Variants in LRRC14B observed in about 807,000 individuals in gnomAD.
LRRC14B encodes the protein leucine-rich repeat-containing protein 14B.
LRRC14B carries 23 observed loss-of-function variants against 16.9 expected under a neutral mutation model. The observed-to-expected ratio is 1.36, with a 90% CI of 0.98 to 1.92. The LOEUF (loss-of-function observed/expected upper bound fraction) is 1.92. LRRC14B is among the 30% of genes most tolerant of loss of function. The pLI is 0.00. For missense variants in LRRC14B, 766 were observed against 705.7 expected (o/e 1.09, Z -0.97); for synonymous variants, 358 against 332.5 (o/e 1.08, Z -0.83).
At position 191,866 on chromosome 5, in the gene LRRC14B, G is replaced by A; in HGVS notation, c.328G>A (p.Ala110Thr). Residue 110 changes from alanine to threonine, a missense_variant, in exon 1 of 2, where the codon GCT (alanine) becomes ACT (threonine). Transcript: ENST00000328278. ...QDRSRRRLRVADLTGIRDVQV... is the reference protein window; with the variant it reads ...QDRSRRRLRVTDLTGIRDVQV... ...CCGGAGCCGCCGGCGGCTGCGGGTGGCTGACCTCACGGGCATCCGAGATGT... is the reference window on the plus strand; with the variant it reads ...CCGGAGCCGCCGGCGGCTGCGGGTGACTGACCTCACGGGCATCCGAGATGT... 6.6e-7 allele frequency: 1 copy of A among 1,522,968 alleles called. No homozygotes were observed. Among genetic ancestry groups the A allele is most frequent in the Non-Finnish European group, 8.8e-7 (1 of 1,141,544 alleles). 94.3% of individuals were successfully genotyped at this position (1,522,968 alleles called of 1,614,324 possible).
rs1466688733 is a variant in LRRC14B, at chr5:195,305, C to T, written c.1497C>T (p.Phe499=). The T allele has an allele frequency of 1.9e-6, 3 of 1,608,302 alleles. No individual in the cohort carries two copies. Among genetic ancestry groups the T allele is most frequent in the Non-Finnish European group, 2.5e-6 (3 of 1,179,840 alleles). ...NELGAFLLQA[F]KTALENFSRA... is the part of the protein sequence containing the mutation. ...TTGGTGCTTTCTTGCTGCAAGCTTT[C>T]AAAACTGCTCTAGAAAACTTCTCCA... Residue 499 remains phenylalanine, a synonymous_variant, in exon 2 of 2, where the codon TTC becomes TTT. Transcript: ENST00000328278.
At position 192,168 on chromosome 5, in the gene LRRC14B, G is replaced by C. The variant is rs771490199; in HGVS notation, c.630G>C (p.Pro210=). 1 of 1,599,032 alleles carries C rather than the reference G, an allele frequency of 6.3e-7. No homozygotes were observed. The highest frequency in any genetic ancestry group is 8.5e-7 in the Non-Finnish European group (1 of 1,173,982). Residue 210 remains proline (P), a synonymous_variant, in exon 1 of 2, where the codon CCG becomes CCC. Coordinates refer to ENST00000328278, the MANE Select transcript of LRRC14B (RefSeq NM_001080478.3). ...TGCACGTGCTGCGTCTGGCTGGCCC[G>C]GGTGCCCTGCGCAAGCTGGAGGTGG... ...QLLHVLRLAG[P]GALRKLEVVH...
rs1219038824 is a variant in LRRC14B, at chr5:193,187, G to A, written c.899+750G>A. ...GGGAACGGGGTGCCTGGCAATGGGT[G>A]CTGGGAGGGAGCCTGGTGGTGGGTC... On this transcript the variant is annotated intron_variant, in intron 1 of 1. Coordinates refer to ENST00000328278, the MANE Select transcript of LRRC14B (RefSeq NM_001080478.3). Among the ~76,000 whole-genome samples the A allele has an allele frequency of 2.6e-5, 4 of 151,472 alleles. No individual in the cohort carries two copies. The East Asian group carries it at 7.8e-4, about 30-fold the overall frequency.
intron 1 of LRRC14B, among the ~76,000 whole-genome samples, chr5:192,857 A>G (rs73730743): frequency 0.012 from 1,830 of 152,270 alleles, 30 homozygotes; most frequent in African/African-American, 0.041. Context: ...CTGTTGGCCA[A>G]GGGTGCCATC....
rs1279857590 is a variant in LRRC14B, at chr5:196,294, C to T, written c.*941C>T. On this transcript the variant is annotated 3_prime_UTR_variant, in exon 2 of 2. Transcript: ENST00000328278. ...CTTTGTGCAAAGAAATGGCTGAGCA[C>T]TAGAATAACTAAATGCAAATAAAAT... 6.6e-6 allele frequency: 1 copy of T among 152,192 alleles called. No individual in the cohort carries two copies. The allele number at this position is 152,192 out of a possible 1,614,324, so 9.4% of individuals were successfully genotyped here.
rs1287720653 is a variant in LRRC14B, at chr5:195,217, TC to T, written c.1411del (p.Gln471LysfsTer33). On this transcript the variant is annotated frameshift_variant, in exon 2 of 2. Transcript: ENST00000328278. LOFTEE classifies it high-confidence loss of function. ...CTGCTGCGGGCTGACCGAGAGGACA[TC>T]CAAGTCTCCACACCTCTCTTTGGAA... ...AVLLRADRED[I>X]QVSTPLFGSF... is the part of the protein sequence containing the mutation. The T allele has an allele frequency of 6.2e-7, 1 of 1,613,564 alleles. No individual in the cohort carries two copies. The highest frequency in any genetic ancestry group is 2.2e-5 in the East Asian group (1 of 44,894).
Position 191,720 on chromosome 5 carries a change from A to C in LRRC14B, c.182A>C (p.Glu61Ala), listed in dbSNP as rs1382265728. 1 of 1,580,194 alleles carries C rather than the reference A, an allele frequency of 6.3e-7. No homozygotes were observed. Among genetic ancestry groups the C allele is most frequent in the East Asian group, 2.3e-5 (1 of 43,024 alleles). The change falls in exon 1 of 2, where the codon GAG (glutamate) becomes GCG (alanine). Residue 61 changes from glutamate (E) to alanine (A), a missense_variant. Coordinates refer to ENST00000328278, the MANE Select transcript of LRRC14B (RefSeq NM_001080478.3). ...RAVLGRWPLE[E>A]FRLGALLGPG... The stretch of plus-strand genomic sequence containing the variant: ...GTGCTGGGGCGCTGGCCCCTGGAGG[A>C]GTTCCGGCTGGGAGCGCTGCTGGGT...
intron 1 of LRRC14B, among the ~76,000 whole-genome samples, chr5:194,215 GC>G (rs1387398819): frequency 6.6e-6 from 1 of 151,852 alleles, no homozygotes; most frequent in South Asian, 2.1e-4. Context: ...TGGTCTCACT[GC>G]CCCCCGCCGT....
In LRRC14B at chr5:192,202, G is replaced by A; in HGVS notation, c.664G>A (p.Val222Met). 1 of 1,600,508 alleles carries A rather than the reference G, an allele frequency of 6.2e-7. No homozygotes were observed. The highest frequency in any genetic ancestry group is 8.5e-7 in the Non-Finnish European group (1 of 1,174,582). Reference sequence around the variant, plus strand: ...GCGCAAGCTGGAGGTGGTGCACAACGTGCGGCTGCATGCGGGCCACGTGCA... The same window carrying A: ...GCGCAAGCTGGAGGTGGTGCACAACATGCGGCTGCATGCGGGCCACGTGCA... ...ALRKLEVVHNVRLHAGHVQQL... is the reference protein window; with the variant it reads ...ALRKLEVVHNMRLHAGHVQQL... The change falls in exon 1 of 2, where the codon GTG becomes ATG. Residue 222 changes from valine (V) to methionine (M), a missense_variant. Physicochemically the swap from Val to Met is conservative, Grantham distance 21. Coordinates refer to ENST00000328278, the MANE Select transcript of LRRC14B (RefSeq NM_001080478.3).
intron 1 of LRRC14B, among the ~76,000 whole-genome samples, chr5:193,640 TGGG>T (rs1234782809): frequency 7.2e-6 from 1 of 139,662 alleles, no homozygotes; most frequent in East Asian, 2.2e-4. Flanking sequence ...TCCTGAAGGA[TGGG>T]GGTGCCCTGC....
At position 192,491 on chromosome 5, in the gene LRRC14B, A is replaced by T; in HGVS notation, c.899+54A>T. 3 of 1,432,376 alleles carry T rather than the reference A, an allele frequency of 2.1e-6. No individual in the cohort carries two copies. In the South Asian group the frequency reaches 4.6e-5, roughly 22 times the overall value. The allele number at this position is 1,432,376 out of a possible 1,614,324, so 88.7% of individuals were successfully genotyped here. On this transcript the variant is annotated intron_variant, in intron 1 of 1. Transcript: ENST00000328278. Reference sequence around the variant, plus strand: ...GGCTGGTGGCTGCAGAGGCAAGGAGAGATCGTCCAGGGGCCTGCTCATGTC... The same window carrying T: ...GGCTGGTGGCTGCAGAGGCAAGGAGTGATCGTCCAGGGGCCTGCTCATGTC...
At chr5:194,094 C>G (rs1329300496) in intron 1 of LRRC14B, among the ~76,000 whole-genome samples, 2 of 151,926 alleles carry the variant, frequency 1.3e-5, no homozygotes, top group Non-Finnish European at 2.9e-5. Flanking sequence ...CCTCCATGGC[C>G]CTTCCCAGCT....
Position 191,774 on chromosome 5 carries a change from G to C in LRRC14B, c.236G>C (p.Arg79Pro), listed in dbSNP as rs931049398. 6.5e-7 allele frequency: 1 copy of C among 1,542,864 alleles called. No homozygotes were observed. The highest frequency in any genetic ancestry group is 8.7e-7 in the Non-Finnish European group (1 of 1,145,820). ...GGTGCCGACCACCCCCAGGACCTGC[G>C]CGACAGAACCTGCAGGGCCTGCCTG... is the stretch of plus-strand genomic sequence containing the variant. ...GPGADHPQDLRDRTCRACLEA... is the reference protein window; with the variant it reads ...GPGADHPQDLPDRTCRACLEA... Residue 79 changes from arginine (R) to proline (P), a missense_variant, in exon 1 of 2, where the codon CGC becomes CCC. By Grantham distance (103) the Arg-to-Pro change is moderately radical. Coordinates refer to ENST00000328278, the MANE Select transcript of LRRC14B (RefSeq NM_001080478.3).
Position 192,327 on chromosome 5 carries a change from C to T in LRRC14B, c.789C>T (p.Gly263=), listed in dbSNP as rs373256370. The change falls in exon 1 of 2, where the codon GGC becomes GGT. Residue 263 remains glycine, a synonymous_variant. Transcript: ENST00000328278. The stretch of plus-strand genomic sequence containing the variant: ...CCACCTACGCCTCCACTCCCGACGG[C>T]GAGGACCCCCTCCTCGCCTCCATCG... ...APPTYASTPD[G]EDPLLASIAR... is the part of the protein sequence containing the mutation. The T allele has an allele frequency of 2.4e-4, 386 of 1,598,296 alleles. No individual in the cohort carries two copies. The highest frequency in any genetic ancestry group is 2.9e-4 in the Non-Finnish European group (341 of 1,173,698).
chr5:194,760 C>T lies in LRRC14B; in HGVS notation c.952C>T (p.His318Tyr). The change falls in exon 2 of 2, where the codon CAC (histidine) becomes TAC (tyrosine). Residue 318 changes from histidine (H) to tyrosine (Y), a missense_variant. Coordinates refer to ENST00000328278, the MANE Select transcript of LRRC14B (RefSeq NM_001080478.3). Reference sequence around the variant, plus strand: ...GGACCTGGCCAACTGTGCCCTGAACCACACGGACATGGCCTTCTTGGCAGA... The same window carrying T: ...GGACCTGGCCAACTGTGCCCTGAACTACACGGACATGGCCTTCTTGGCAGA... ...VLDLANCALN[H>Y]TDMAFLADCA... 1 of 1,613,622 alleles carries T rather than the reference C, an allele frequency of 6.2e-7. No homozygotes were observed. Among genetic ancestry groups the T allele is most frequent in the Non-Finnish European group, 8.5e-7 (1 of 1,179,738 alleles).
rs1579351280 is a variant in LRRC14B, at chr5:195,662, T to G, written c.*309T>G. 4.9e-6 allele frequency: 2 copies of G among 410,444 alleles called. No individual in the cohort carries two copies. The highest frequency in any genetic ancestry group is 2.1e-5 in the African/African-American group (1 of 47,822). 25.4% of individuals were successfully genotyped at this position (410,444 alleles called of 1,614,324 possible). ...GCAAAGAGCAGAGAAGCCCGGGAGG[T>G]GTGAGGAGTGGCCGACCTGGCCTCA... On this transcript the variant is annotated 3_prime_UTR_variant, in exon 2 of 2. Transcript: ENST00000328278.
chr5:192,676 TA>T (rs1005904125), intron 1 of LRRC14B, among the ~76,000 whole-genome samples: 8 of 152,066 alleles, frequency 5.3e-5, no homozygotes, highest in Admixed American at 2.0e-4. Context: ...GAATGCCAGT[TA>T]AAAAAAGAGA....
chr5:192,104 C>T lies in LRRC14B; in HGVS notation c.566C>T (p.Pro189Leu). ...CCGGCCCCTCTGCGGGTGCACTGCCCCTCGTTCCGGGCGGACAGCCTGAGC... is the reference window on the plus strand; with the variant it reads ...CCGGCCCCTCTGCGGGTGCACTGCCTCTCGTTCCGGGCGGACAGCCTGAGC... ...AGPAPLRVHCPSFRADSLSPS... is the reference protein window; with the variant it reads ...AGPAPLRVHCLSFRADSLSPS... Residue 189 changes from proline (P) to leucine (L), a missense_variant, in exon 1 of 2, where the codon CCC becomes CTC. Physicochemically the swap from Pro to Leu is moderately conservative, Grantham distance 98 (BLOSUM62 -3). Transcript: ENST00000328278. 3 of 1,559,088 alleles carry T rather than the reference C, an allele frequency of 1.9e-6. No homozygotes were observed. Among genetic ancestry groups the T allele is most frequent in the East Asian group, 2.4e-5 (1 of 41,968 alleles).
chr5:194,280 C>G (rs1023457800), intron 1 of LRRC14B, among the ~76,000 whole-genome samples: 3 of 152,014 alleles, frequency 2.0e-5, no homozygotes, highest in Admixed American at 6.5e-5. Flanking sequence ...ACCCCGTCCA[C>G]TTTCTGAGTG....
Sources: allele counts gnomAD v4.1 joint callset (sites outside exome capture counted in the v4.1 genomes callset), GRCh38; gene constraint gnomAD v4.1.1; transcripts MANE v1.5; gene names NCBI Gene and HGNC (gene_info 2026-07-23, HGNC 2026-07-21).